Variants in TMEM182 observed in about 807,000 individuals in gnomAD.
TMEM182 encodes the protein transmembrane protein 182.
In TMEM182, 20 loss-of-function variants were observed where a neutral mutation model predicts 26.8. The observed-to-expected ratio is 0.75, with a 90% CI of 0.53 to 1.09. The LOEUF (loss-of-function observed/expected upper bound fraction) is 1.09, where lower values mean the gene tolerates loss of function less well. Ranked by LOEUF, TMEM182 falls within the 50% of genes least tolerant of loss-of-function variation. TMEM182 has a pLI of 0.00. For missense variants in TMEM182, 277 were observed against 275.5 expected (o/e 1.01, Z -0.04); for synonymous variants, 109 against 102.2 (o/e 1.07, Z -0.40).
chr2:102,793,328 A>T (rs1681728603), intron 3 of TMEM182, among the ~76,000 whole-genome samples: 1 of 152,160 alleles, frequency 6.6e-6, no homozygotes. Flanking sequence ...CCTTTTTAGG[A>T]GGTAAATGGA....
At chr2:102,770,467 T>C (rs1680627342) in intron 3 of TMEM182, among the ~76,000 whole-genome samples, 1 of 152,220 alleles carries the variant, frequency 6.6e-6, no homozygotes, top group South Asian at 2.1e-4. Flanking sequence ...AGACAGGACC[T>C]GAGGACTCTG....
At chr2:102,809,527 C>T (rs1430334355) in intron 4 of TMEM182, among the ~76,000 whole-genome samples, 1 of 152,144 alleles carries the variant, frequency 6.6e-6, no homozygotes, top group Non-Finnish European at 1.5e-5. Context: ...AACCTAGTCC[C>T]CCACTGCTTC....
downstream of TMEM182, among the ~76,000 whole-genome samples, chr2:102,819,025 G>A: frequency 6.6e-6 from 1 of 152,092 alleles, no homozygotes; most frequent in East Asian, 1.9e-4. Flanking sequence ...GGGCTCACTG[G>A]GATAAAATAA....
At chr2:102,799,839 T>A (rs190389453) in intron 4 of TMEM182, among the ~76,000 whole-genome samples, 1 of 152,226 alleles carries the variant, frequency 6.6e-6, no homozygotes, top group African/African-American at 2.4e-5. Context: ...GGAGTTCTGG[T>A]TTCTATGATT....
chr2:102,832,165 A>G (rs1683166101), intron 3 of TMEM182, among the ~76,000 whole-genome samples: 1 of 152,174 alleles, frequency 6.6e-6, no homozygotes, highest in East Asian at 1.9e-4. Flanking sequence ...CCACTATGCC[A>G]TTTTGTTCAG....
In TMEM182 at chr2:102,816,768, G is replaced by A; in HGVS notation, c.*1800G>A. ...CCATTAAGTTTTCCAGACGATGTTG[G>A]ATGTATCTGATTAGTTCATGTCATC... On this transcript the variant is annotated 3_prime_UTR_variant, in exon 5 of 5. Transcript: ENST00000412401. The A allele has an allele frequency of 1.0e-6, 1 of 985,718 alleles. No homozygotes were observed. The highest frequency in any genetic ancestry group is 1.2e-6 in the Non-Finnish European group (1 of 829,892). 61.1% of individuals were successfully genotyped at this position (985,718 alleles called of 1,614,324 possible). A position where few individuals can be genotyped will look rare whatever the true frequency, so the allele number is the denominator to read the frequency against.
intron 1 of TMEM182, among the ~76,000 whole-genome samples, chr2:102,752,468 T>C (rs1679901614): frequency 6.6e-6 from 1 of 152,218 alleles, no homozygotes; most frequent in Non-Finnish European, 1.5e-5. Flanking sequence ...GAGAGAGCTG[T>C]GGAGCCGTCT....
upstream of TMEM182, among the ~76,000 whole-genome samples, chr2:102,758,897 C>T (rs1172356425): frequency 2.0e-5 from 3 of 152,128 alleles, no homozygotes; most frequent in African/African-American, 7.2e-5. Context: ...ATACACATAC[C>T]TAGTTCCTGA....
Position 102,804,630 on chromosome 2 carries a change from G to A in TMEM182, c.469+6630G>A, listed in dbSNP as rs946870909. 2.0e-5 allele frequency among the ~76,000 whole-genome samples: 3 copies of A among 152,172 alleles called. No individual in the cohort carries two copies. The South Asian group carries it at 6.2e-4, about 32-fold the overall frequency. ...TCTGACTTTCCCTGGTATGTGACAA[G>A]TAGGCTTGCAGGAGAAAACCAAAAG... On this transcript the variant is annotated intron_variant, in intron 4 of 4. Coordinates refer to ENST00000412401, the MANE Select transcript of TMEM182 (RefSeq NM_144632.5).
At chr2:102,813,551 A>C (rs1276593559) in intron 4 of TMEM182, among the ~76,000 whole-genome samples, 1 of 152,202 alleles carries the variant, frequency 6.6e-6, no homozygotes, top group Non-Finnish European at 1.5e-5. Context: ...CTTTAGGACA[A>C]ATTTGAATCC....
At chr2:102,762,733 AT>A in intron 2 of TMEM182, 47 bp downstream of exon 2, 1 of 1,521,334 alleles carries the variant, frequency 6.6e-7, no homozygotes, top group Non-Finnish European at 9.1e-7. Context: ...TAAAATAAAA[AT>A]GAACAGTTTC....
chr2:102,813,177 T>C (rs1043876932), intron 4 of TMEM182, among the ~76,000 whole-genome samples: 1 of 152,178 alleles, frequency 6.6e-6, no homozygotes, highest in Non-Finnish European at 1.5e-5. Flanking sequence ...TACAAGGAAG[T>C]TTAAACTCCG....
intron 3 of TMEM182, among the ~76,000 whole-genome samples, chr2:102,768,288 A>G (rs938445366): frequency 1.3e-5 from 2 of 152,052 alleles, no homozygotes; most frequent in African/African-American, 2.4e-5. Context: ...TTTTGGGGAG[A>G]CTTCATTATT....
chr2:102,768,083 G>T (rs554961733), intron 3 of TMEM182, among the ~76,000 whole-genome samples: 1 of 152,140 alleles, frequency 6.6e-6, no homozygotes, highest in African/African-American at 2.4e-5. Context: ...ACTGGTACAT[G>T]CACTGGGCCA....
intron 3 of TMEM182, among the ~76,000 whole-genome samples, chr2:102,780,829 G>A (rs1423394951): frequency 3.3e-5 from 5 of 152,196 alleles, no homozygotes; most frequent in African/African-American, 9.6e-5. Flanking sequence ...TTTGGTCAAA[G>A]TAGAGGGGTT....
intron 1 of TMEM182, among the ~76,000 whole-genome samples, chr2:102,753,516 T>C (rs1002413840): frequency 2.7e-5 from 4 of 148,888 alleles, no homozygotes; most frequent in African/African-American, 7.5e-5. Context: ...AATAAGTCGT[T>C]GTTCTACTAT....
At chr2:102,820,321 T>TA (rs1330757258), downstream of TMEM182, among the ~76,000 whole-genome samples, 2 of 152,214 alleles carry the variant, frequency 1.3e-5, no homozygotes, top group African/African-American at 4.8e-5. Flanking sequence ...AGTAATTGCA[T>TA]ACATGCTACT....
intron 3 of TMEM182, among the ~76,000 whole-genome samples, chr2:102,791,635 C>G (rs1351488913): frequency 1.3e-5 from 2 of 152,178 alleles, no homozygotes; most frequent in African/African-American, 4.8e-5. Flanking sequence ...TTCTTTAATC[C>G]TTTCACAGAT....
At chr2:102,826,171 T>C (rs1384152421) in intron 3 of TMEM182, among the ~76,000 whole-genome samples, 1 of 152,124 alleles carries the variant, frequency 6.6e-6, no homozygotes, top group African/African-American at 2.4e-5. Context: ...CATCCAGGTA[T>C]GTGGTAGAGA....
Sources: gnomAD v4.1 joint callset for allele counts (sites outside exome capture counted in the v4.1 genomes callset) on GRCh38, gnomAD v4.1.1 for gene constraint, MANE v1.5 for transcripts, NCBI Gene and HGNC (gene_info 2026-07-23, HGNC 2026-07-21) for gene names.